The following ATP9B variants were observed in gnomAD, a reference collection of about 807,000 sequenced individuals.
The protein encoded by ATP9B is ATPase phospholipid transporting 9B.
A neutral mutation model predicts 146.1 loss-of-function variants in ATP9B; 110 were observed. The observed-to-expected ratio is 0.75, with a 90% CI of 0.65 to 0.88. The LOEUF is 0.88. ATP9B is among the 40% of genes least tolerant of loss of function. The pLI is 0.00. For missense variants in ATP9B, 1,499 were observed against 1,496.4 expected (o/e 1.00, Z -0.03); for synonymous variants, 604 against 569.7 (o/e 1.06, Z -0.86).
intron 6 of ATP9B, chr18:79,145,077 C>CGGG (rs753681478): frequency 0.024 from 3,190 of 131,738 alleles, 41 homozygotes; most frequent in Non-Finnish European, 0.035. Context: ...AGCTGCATGT[C>CGGG]GGAGCTGGCG....
intron 4 of ATP9B, among the ~76,000 whole-genome samples, chr18:79,123,835 G>A (rs2094232461): frequency 6.6e-6 from 1 of 152,024 alleles, no homozygotes; most frequent in South Asian, 2.1e-4. Context: ...ACTAAACCTA[G>A]GAAAAAGGTA....
At chr18:79,309,365 G>C (rs374484695) in intron 15 of ATP9B, among the ~76,000 whole-genome samples, 24 of 137,804 alleles carry the variant, frequency 1.7e-4, no homozygotes, top group South Asian at 4.9e-4. Flanking sequence ...GGGCTGAGGA[G>C]TGATCCCCAG....
chr18:79,322,936 G>C (rs1188636496), intron 15 of ATP9B, among the ~76,000 whole-genome samples: 3 of 152,128 alleles, frequency 2.0e-5, no homozygotes, highest in African/African-American at 7.2e-5. Flanking sequence ...CTTGCTTTAT[G>C]TTTTATGTCT....
chr18:79,087,713 T>C (rs1157861852), intron 1 of ATP9B: 1 of 152,230 alleles, frequency 6.6e-6, no homozygotes, highest in Non-Finnish European at 1.5e-5. Flanking sequence ...ATGATTTACT[T>C]AGTAACTTTT....
intron 18 of ATP9B, among the ~76,000 whole-genome samples, 162 bp from the exon 19 acceptor site, chr18:79,337,117 A>G (rs1481806811): frequency 2.7e-5 from 4 of 150,922 alleles, no homozygotes; most frequent in Non-Finnish European, 5.9e-5. Context: ...CTCTGTCCCC[A>G]CAGCCCATGC....
At chr18:79,069,669 G>A in intron 1 of ATP9B, 140 bp downstream of exon 1, 1 of 521,062 alleles carries the variant, frequency 1.9e-6, no homozygotes, top group Non-Finnish European at 3.0e-6. Flanking sequence ...AGTCCTTGGC[G>A]TTCTGAGCGC....
At chr18:79,334,580 G>C (rs2096810508) in intron 17 of ATP9B, among the ~76,000 whole-genome samples, 1 of 151,974 alleles carries the variant, frequency 6.6e-6, no homozygotes, top group Non-Finnish European at 1.5e-5. Flanking sequence ...ACACAGCAGA[G>C]GGGGGTGGGG....
intron 5 of ATP9B, among the ~76,000 whole-genome samples, chr18:79,135,067 G>A (rs984084830): frequency 6.6e-6 from 1 of 152,142 alleles, no homozygotes; most frequent in Non-Finnish European, 1.5e-5. Context: ...TTGAAACCAT[G>A]TTTAAAGTTA....
intron 7 of ATP9B, among the ~76,000 whole-genome samples, chr18:79,158,082 T>G (rs1756619688): frequency 1.3e-5 from 2 of 152,150 alleles, no homozygotes; most frequent in African/African-American, 4.8e-5. Flanking sequence ...TTTTGTAGTT[T>G]AAGGTGGAAA....
At chr18:79,303,343 C>CT (rs1293898329) in intron 13 of ATP9B, among the ~76,000 whole-genome samples, 1 of 151,954 alleles carries the variant, frequency 6.6e-6, no homozygotes, top group African/African-American at 2.4e-5. Flanking sequence ...GCCTGGGCAA[C>CT]AGAGTGAGAC....
chr18:79,228,589 T>A (rs954131655), intron 11 of ATP9B, among the ~76,000 whole-genome samples: 8 of 152,190 alleles, frequency 5.3e-5, no homozygotes, highest in Admixed American at 5.2e-4. Context: ...GATACATTTG[T>A]CTTCTGTCTC....
At chr18:79,103,714 T>C (rs2075452090) in intron 2 of ATP9B, among the ~76,000 whole-genome samples, 1 of 152,104 alleles carries the variant, frequency 6.6e-6, no homozygotes, top group Non-Finnish European at 1.5e-5. Context: ...TCATCAATAA[T>C]CAGCAAAGGA....
At chr18:79,327,512 A>ATGGTTAGCGTGTTCTCCG (rs2096756375) in intron 15 of ATP9B, among the ~76,000 whole-genome samples, 2 of 75,928 alleles carry the variant, frequency 2.6e-5, no homozygotes, top group African/African-American at 6.1e-5. Flanking sequence ...TGCTCTCTCC[A>ATGGTTAGCGTGTTCTCCG]TGGTTAGCGT....
intron 26 of ATP9B, among the ~76,000 whole-genome samples, chr18:79,369,956 G>A (rs1026614271): frequency 1.3e-5 from 2 of 152,070 alleles, no homozygotes; most frequent in African/African-American, 4.8e-5. Flanking sequence ...AAAATTAGCA[G>A]GGTGTGGTGG....
intron 7 of ATP9B, among the ~76,000 whole-genome samples, chr18:79,159,747 A>T (rs962798778): frequency 6.6e-6 from 1 of 152,178 alleles, no homozygotes; most frequent in Non-Finnish European, 1.5e-5. Flanking sequence ...TTTGCTTTGC[A>T]GCCAAACCTT....
At chr18:79,114,425 G>A (rs1307291802) in intron 4 of ATP9B, among the ~76,000 whole-genome samples, 13 of 152,260 alleles carry the variant, frequency 8.5e-5, no homozygotes, top group South Asian at 4.1e-4. Context: ...GTCTGCTCCC[G>A]AGGGGTCTGT....
intron 1 of ATP9B, among the ~76,000 whole-genome samples, chr18:79,092,560 T>C (rs1311896809): frequency 6.6e-6 from 1 of 152,040 alleles, no homozygotes; most frequent in Non-Finnish European, 1.5e-5. Flanking sequence ...GAAGATATTG[T>C]TGCACAAAAA....
intron 13 of ATP9B, among the ~76,000 whole-genome samples, chr18:79,301,084 A>G (rs972668479): frequency 1.3e-5 from 2 of 152,264 alleles, no homozygotes; most frequent in African/African-American, 4.8e-5. Context: ...TTGGGCACAC[A>G]TAATAGAGGC....
intron 11 of ATP9B, among the ~76,000 whole-genome samples, chr18:79,240,211 A>C (rs1345184339): frequency 1.3e-5 from 2 of 152,212 alleles, no homozygotes; most frequent in East Asian, 3.8e-4. Flanking sequence ...TTACAACATT[A>C]AATTATTTCA....
Sources: gnomAD v4.1 joint callset for allele counts (sites outside exome capture counted in the v4.1 genomes callset) on GRCh38, gnomAD v4.1.1 for gene constraint, MANE v1.5 for transcripts, NCBI Gene and HGNC (gene_info 2026-07-23, HGNC 2026-07-21) for gene names.